Variants in LAMA3 observed in about 807,000 individuals in gnomAD.
LAMA3 encodes the protein laminin subunit alpha-3.
In LAMA3, 281 loss-of-function variants were observed where a neutral mutation model predicts 402.0. The ratio of observed to expected loss-of-function variants is 0.70; its 90% CI spans 0.63 to 0.77. The LOEUF (loss-of-function observed/expected upper bound fraction) is 0.77. Among genes scored for constraint, LAMA3 ranks in the 30% least tolerant of loss-of-function variants. The pLI is 0.00. For missense variants in LAMA3, 3,840 were observed against 4,215.5 expected, an observed-to-expected ratio of 0.91 and a Z score of 2.47; for synonymous variants, 1,431 against 1,558.4, an observed-to-expected ratio of 0.92 and a Z score of 1.93.
intron 67 of LAMA3, among the ~76,000 whole-genome samples, chr18:23,938,135 C>T (rs2145450014): frequency 6.6e-6 from 1 of 152,240 alleles, no homozygotes; most frequent in East Asian, 1.9e-4. Flanking sequence ...CAAGAAGCAC[C>T]AGTTCTGCCT....
chr18:23,883,129 A>ACTTCTGTTT (rs1598995150), intron 40 of LAMA3, among the ~76,000 whole-genome samples: 2 of 152,334 alleles, frequency 1.3e-5, no homozygotes, highest in East Asian at 3.9e-4. Flanking sequence ...AGAGGGCCAG[A>ACTTCTGTTT]GGTGAGGTTG....
chr18:23,758,606 G>T, intron 7 of LAMA3, 95 bp downstream of exon 7: 2 of 915,512 alleles, frequency 2.2e-6, no homozygotes, highest in South Asian at 1.4e-5. Context: ...AAGAGGCTGT[G>T]GTCATGTCAG....
intron 12 of LAMA3, among the ~76,000 whole-genome samples, chr18:23,799,055 C>T (rs1451786046): frequency 1.3e-5 from 2 of 152,216 alleles, no homozygotes; most frequent in African/African-American, 4.8e-5. Flanking sequence ...TACTCATGCT[C>T]TCATATAACA....
chr18:23,702,482 C>T lies in LAMA3; in HGVS notation c.295-11438C>T, dbSNP rs555688795. Among the ~76,000 whole-genome samples, 15 of 152,130 alleles carry T rather than the reference C, an allele frequency of 9.9e-5. No homozygotes were observed. In the South Asian group the frequency reaches 2.3e-3, roughly 23 times the overall value. The stretch of plus-strand genomic sequence containing the variant: ...GGGACTACAGGTGTGCACCACCATG[C>T]CCGGCTAATTTTTTTTGTGTGTGTG... On this transcript the variant is annotated intron_variant, in intron 1 of 74. Transcript: ENST00000313654.
Position 23,827,435 on chromosome 18 carries a change from C to T in LAMA3, c.2791C>T (p.His931Tyr), listed in dbSNP as rs1422676104. 2 of 1,614,204 alleles carry T rather than the reference C, an allele frequency of 1.2e-6. No homozygotes were observed. The highest frequency in any genetic ancestry group is 8.5e-7 in the Non-Finnish European group (1 of 1,180,050). ...GGCAGTGAGGCAGCCCACACCTGCA[C>T]ACCCTGTCATGGTGGACCTCAGCGG... Reference protein sequence around the residue: ...PVAVRQPTPAHPVMVDLSGRE... With the variant: ...PVAVRQPTPAYPVMVDLSGRE... Residue 931 changes from histidine (H) to tyrosine (Y), a missense_variant, in exon 23 of 75, where the codon CAC becomes TAC. Physicochemically the swap from His to Tyr is moderately conservative, Grantham distance 83. Transcript: ENST00000313654.
chr18:23,918,724 T>C lies in LAMA3; in HGVS notation c.7923+2029T>C, dbSNP rs1183026938. On this transcript the variant is annotated intron_variant, in intron 60 of 74. Coordinates refer to ENST00000313654, the MANE Select transcript of LAMA3 (RefSeq NM_198129.4). The surrounding 1 kb of genome is among the most constrained non-coding windows in gnomAD (Gnocchi z 4.1). ...GGTGAATAGGAGCTTCTGTAGTTGC[T>C]CTCACGGAGTATTTCTGAAGAAATG... Among the ~76,000 whole-genome samples, 1 of 152,202 alleles carries C rather than the reference T, an allele frequency of 6.6e-6. No homozygotes were observed. The highest frequency in any genetic ancestry group is 2.4e-5 in the African/African-American group (1 of 41,452).
chr18:23,939,173 G>A, intron 67 of LAMA3, 50 bp from the exon 68 acceptor site: 1 of 1,572,386 alleles, frequency 6.4e-7, no homozygotes, highest in Non-Finnish European at 8.7e-7. Context: ...AGCAAGATAA[G>A]CATTCTTCAC....
rs2144520541 is a variant in LAMA3 at position 23,833,811 on chromosome 18, C to G, written c.2824-17C>G. 1 of 1,612,400 alleles carries G rather than the reference C, an allele frequency of 6.2e-7. No homozygotes were observed. The highest frequency in any genetic ancestry group is 2.2e-5 in the East Asian group (1 of 44,874). On this transcript the variant is annotated splice_polypyrimidine_tract_variant and intron_variant, in intron 23 of 74. Coordinates refer to ENST00000313654, the MANE Select transcript of LAMA3 (RefSeq NM_198129.4). The stretch of plus-strand genomic sequence containing the variant: ...TCACAGCTGGATCACAGTCTGTCTG[C>G]TTGGCCTCTGTGACAGGTGGAATTG...
intron 72 of LAMA3, among the ~76,000 whole-genome samples, chr18:23,951,388 C>A (rs1201586341): frequency 6.6e-6 from 1 of 152,170 alleles, no homozygotes; most frequent in African/African-American, 2.4e-5. Flanking sequence ...AATCAGTAAC[C>A]TTTGAGTTGA....
At chr18:23,949,703 G>A in intron 70 of LAMA3, 62 bp from the exon 71 acceptor site, 1 of 1,551,158 alleles carries the variant, frequency 6.4e-7, no homozygotes, top group Non-Finnish European at 8.9e-7. Flanking sequence ...CCTTCGCCTT[G>A]GCTACCCATG....
intron 11 of LAMA3, among the ~76,000 whole-genome samples, chr18:23,780,627 G>A (rs2062418872): frequency 6.6e-6 from 1 of 152,218 alleles, no homozygotes; most frequent in Non-Finnish European, 1.5e-5. Context: ...GCAAGGCACA[G>A]CTGTGCCTCA....
chr18:23,909,141 T>C lies in LAMA3; in HGVS notation c.7016-12T>C, dbSNP rs370568081. 176 of 1,612,668 alleles carry C rather than the reference T, an allele frequency of 1.1e-4. No individual in the cohort carries two copies. In the African/African-American group the frequency reaches 1.9e-3, roughly 18 times the overall value. On this transcript the variant is annotated splice_polypyrimidine_tract_variant and intron_variant, in intron 54 of 74. Coordinates refer to ENST00000313654, the MANE Select transcript of LAMA3 (RefSeq NM_198129.4). ...CACAATCTTACATTTCTATTTTTTT[T>C]CTCACCAACAGTGAATAAGTTAACC... is the stretch of plus-strand genomic sequence containing the variant.
chr18:23,713,769 A>G, intron 1 of LAMA3, 151 bp from the exon 2 acceptor site: 1 of 680,812 alleles, frequency 1.5e-6, no homozygotes, highest in South Asian at 1.9e-5. Flanking sequence ...TTCAGAATAC[A>G]TTCCAGTGAA....
At chr18:23,813,430 A>G (rs1409442996) in intron 14 of LAMA3, among the ~76,000 whole-genome samples, 1 of 152,176 alleles carries the variant, frequency 6.6e-6, no homozygotes, top group Non-Finnish European at 1.5e-5. Flanking sequence ...GAGAAAATCA[A>G]TGGCCAAGGA....
At chr18:23,693,160 A>G (rs2060624038) in intron 1 of LAMA3, among the ~76,000 whole-genome samples, 2 of 152,188 alleles carry the variant, frequency 1.3e-5, no homozygotes, top group South Asian at 4.1e-4. Flanking sequence ...CTTGGCCAGC[A>G]TGGTGAAACC....
At chr18:23,715,257 G>T (rs1214427712) in intron 2 of LAMA3, among the ~76,000 whole-genome samples, 1 of 151,518 alleles carries the variant, frequency 6.6e-6, no homozygotes. Flanking sequence ...GAACAGTATG[G>T]TATGTGAATT....
At chr18:23,803,175 T>C (rs904737653) in intron 12 of LAMA3, among the ~76,000 whole-genome samples, 1 of 152,194 alleles carries the variant, frequency 6.6e-6, no homozygotes, top group African/African-American at 2.4e-5. Flanking sequence ...TCCAAGTAAG[T>C]GTCCATTCCA....
rs549948961 is a variant in LAMA3 at position 23,822,385 on chromosome 18, G to A, written c.2428+10G>A. On this transcript the variant is annotated intron_variant, in intron 20 of 74. Transcript: ENST00000313654. ...ATTTATCCATCCTGGGGTAAGGCAC[G>A]TAGGTAAAATGTCAAGCCTCTTTTC... 9.9e-6 allele frequency: 16 copies of A among 1,612,558 alleles called. No individual in the cohort carries two copies. The highest frequency in any genetic ancestry group is 3.3e-5 in the Admixed American group (2 of 60,004).
intron 37 of LAMA3, among the ~76,000 whole-genome samples, chr18:23,869,163 A>C (rs2064442220): frequency 6.6e-6 from 1 of 152,236 alleles, no homozygotes; most frequent in African/African-American, 2.4e-5. Flanking sequence ...TTCAGAATCA[A>C]CGTTTTCAGA....
Sources: allele counts gnomAD v4.1 joint callset (sites outside exome capture counted in the v4.1 genomes callset), GRCh38; gene constraint gnomAD v4.1.1; non-coding constraint Gnocchi (gnomAD v3.1); transcripts MANE v1.5; gene names NCBI Gene and HGNC (gene_info 2026-07-23, HGNC 2026-07-21).